Variants in TRMT44 observed in about 807,000 individuals in gnomAD.
TRMT44 encodes probable tRNA (uracil-O(2)-)-methyltransferase.
In TRMT44, 78 loss-of-function variants were observed where a neutral mutation model predicts 77.3. That is an observed-to-expected ratio of 1.01 (90% CI 0.84 to 1.22). The LOEUF (loss-of-function observed/expected upper bound fraction) is 1.22, where lower values mean the gene tolerates loss of function less well. Ranked by LOEUF, TRMT44 falls within the 50% of genes most tolerant of loss-of-function variation. The pLI is 0.00. For missense variants in TRMT44, 1,090 were observed against 964.4 expected, an observed-to-expected ratio of 1.13 and a Z score of -1.73; for synonymous variants, 391 against 383.3, an observed-to-expected ratio of 1.02 and a Z score of -0.23.
At chr4:8,515,150 A>G in the TRMT44 span, among the ~76,000 whole-genome samples, 3 of 152,082 alleles carry the variant, frequency 2.0e-5, no homozygotes, top group Admixed American at 2.0e-4. Context: ...ATTTTTTTGT[A>G]GAGACAGGAT....
In TRMT44 at chr4:8,482,413, G is replaced by A. The variant is rs530233758; in HGVS notation, n.3891+2880G>A. The A allele has an allele frequency of 3.9e-4, 60 of 152,484 alleles. No homozygotes were observed. In the South Asian group the frequency reaches 6.0e-3, roughly 15 times the overall value. The allele number at this position is 152,484 out of a possible 1,614,324, so 9.4% of individuals were successfully genotyped here. ...CATCACCCCTTTCATGAGCGTCCGCGTGAAGAGACCACCAAACAGGCTTTG... is the reference window on the plus strand; with the variant it reads ...CATCACCCCTTTCATGAGCGTCCGCATGAAGAGACCACCAAACAGGCTTTG... On this transcript the variant is annotated intron_variant and non_coding_transcript_variant, in intron 2 of 2. Transcript: ENST00000511366.
chr4:8,445,639 C>A (rs1025342311), intron 1 of TRMT44, among the ~76,000 whole-genome samples: 2 of 152,226 alleles, frequency 1.3e-5, no homozygotes, highest in African/African-American at 4.8e-5. Context: ...CTTCCCTGGC[C>A]ACCCTGTATT....
intron 6 of TRMT44, among the ~76,000 whole-genome samples, chr4:8,462,196 A>G (rs1168716096): frequency 6.7e-6 from 1 of 148,446 alleles, no homozygotes; most frequent in African/African-American, 2.5e-5. Context: ...ACATCACCTG[A>G]GGTCGGGAGT....
chr4:8,477,616 C>G (rs1012664155), downstream of TRMT44: 1 of 152,792 alleles, frequency 6.5e-6, no homozygotes, highest in Admixed American at 6.5e-5. Flanking sequence ...AAAGAACTCT[C>G]TTCCCAAAGA....
intron 2 of TRMT44, among the ~76,000 whole-genome samples, chr4:8,484,832 G>A (rs1221189949): frequency 6.6e-6 from 1 of 152,202 alleles, no homozygotes; most frequent in East Asian, 1.9e-4. Context: ...GGAAGGGGTT[G>A]TTTTGTAGAA....
At chr4:8,460,256 C>T (rs891960518) in intron 6 of TRMT44, among the ~76,000 whole-genome samples, 15 of 152,202 alleles carry the variant, frequency 9.9e-5, no homozygotes, top group African/African-American at 3.6e-4. Flanking sequence ...TGGCCTCTCC[C>T]TCTGGGTGTG....
chr4:8,464,101 A>T lies in TRMT44; in HGVS notation c.1310+10A>T. ...CTGTCATTGCAGCCAGGTGAGAAGT[A>T]GAGGAGTTATCAGGTGAATGGCTGG... On this transcript the variant is annotated intron_variant, in intron 7 of 10. Transcript: ENST00000389737. The T allele has an allele frequency of 1.9e-6, 3 of 1,610,352 alleles. No homozygotes were observed. The highest frequency in any genetic ancestry group is 2.5e-6 in the Non-Finnish European group (3 of 1,176,896).
At position 8,452,995 on chromosome 4, in the gene TRMT44, G is replaced by C. The variant is rs778810925; in HGVS notation, c.1131+6G>C. 1.1e-5 allele frequency: 17 copies of C among 1,478,942 alleles called. No individual in the cohort carries two copies. The South Asian group carries it at 2.1e-4, about 18-fold the overall frequency. 91.6% of individuals were successfully genotyped at this position (1,478,942 alleles called of 1,614,324 possible). On this transcript the variant is annotated splice_donor_region_variant and intron_variant, in intron 5 of 10. Transcript: ENST00000389737. The surrounding 1 kb of genome is among the most constrained non-coding windows in gnomAD (Gnocchi z 5.7). Reference sequence around the variant, plus strand: ...ACATCCTGAGCAGTGAGGGGGTAAGGCCCGGCTCCATCACCTTTTCTGGTA... The same window carrying C: ...ACATCCTGAGCAGTGAGGGGGTAAGCCCCGGCTCCATCACCTTTTCTGGTA...
intron 2 of TRMT44, among the ~76,000 whole-genome samples, chr4:8,448,042 A>G (rs547190459): frequency 5.3e-5 from 8 of 152,170 alleles, no homozygotes; most frequent in African/African-American, 1.9e-4. Context: ...TGGCATTTCT[A>G]GTCGGCATCG....
chr4:8,459,459 G>A (rs1171392493), intron 6 of TRMT44, among the ~76,000 whole-genome samples: 1 of 152,204 alleles, frequency 6.6e-6, no homozygotes, highest in Non-Finnish European at 1.5e-5. Flanking sequence ...GGTTAGGTCA[G>A]CCATGTGTAC....
chr4:8,477,536 A>G (rs912835936), downstream of TRMT44: 1 of 152,380 alleles, frequency 6.6e-6, no homozygotes, highest in Non-Finnish European at 1.5e-5. Context: ...CCTGCAGGGG[A>G]CACCTGGTGT....
the TRMT44 span, among the ~76,000 whole-genome samples, chr4:8,516,145 T>C: frequency 6.6e-6 from 1 of 152,164 alleles, no homozygotes; most frequent in East Asian, 1.9e-4. Context: ...TGCGGCGCCC[T>C]CTGTGCTCGT....
chr4:8,514,995 T>TC, the TRMT44 span, among the ~76,000 whole-genome samples: 12 of 152,256 alleles, frequency 7.9e-5, no homozygotes, highest in African/African-American at 2.6e-4. Flanking sequence ...AGACAGAGTG[T>TC]CACTCTGTCA....
Position 8,471,168 on chromosome 4 carries a change from C to G in TRMT44, c.2012C>G (p.Thr671Arg), listed in dbSNP as rs201840371. 6.2e-7 allele frequency: 1 copy of G among 1,606,918 alleles called. No individual in the cohort carries two copies. The highest frequency in any genetic ancestry group is 1.3e-5 in the African/African-American group (1 of 74,526). Residue 671 changes from threonine (T) to arginine (R), a missense_variant, in exon 10 of 11, where the codon ACG becomes AGG. Transcript: ENST00000389737. The part of the protein sequence containing the change: ...RLKRECGGLQ[T>R]LLRNSHQVFQ... ...AAGCGGGAGTGTGGGGGCCTGCAGA[C>G]GCTGCTCCGGAACAGCCACCAGGTG...
intron 1 of TRMT44, among the ~76,000 whole-genome samples, chr4:8,441,863 C>G (rs1353012117): frequency 6.6e-6 from 1 of 152,156 alleles, no homozygotes; most frequent in Non-Finnish European, 1.5e-5. Flanking sequence ...GCTGCCAAAG[C>G]CTGGGAGCTC....
chr4:8,456,966 C>T (rs1370897351), intron 6 of TRMT44, among the ~76,000 whole-genome samples: 2 of 151,566 alleles, frequency 1.3e-5, no homozygotes, highest in Admixed American at 6.6e-5. Context: ...GCTGGAGGAT[C>T]GCTTGAGGCC....
chr4:8,493,472 CAG>C (rs1281215613), exon 3 of TRMT44: 2 of 152,182 alleles, frequency 1.3e-5, no homozygotes, highest in Non-Finnish European at 2.9e-5. Context: ...CCTGAGTTTT[CAG>C]AGAGACTGAT....
At chr4:8,510,365 G>A in the TRMT44 span, 1 of 152,946 alleles carries the variant, frequency 6.5e-6, no homozygotes, top group Admixed American at 6.5e-5. Context: ...CCCTTCGATG[G>A]AGCTCTGCTT....
chr4:8,454,238 CACTCA>C (rs1170185433), intron 5 of TRMT44, among the ~76,000 whole-genome samples: 1 of 150,916 alleles, frequency 6.6e-6, no homozygotes, highest in Non-Finnish European at 1.5e-5. Flanking sequence ...CCACTGTGGT[CACTCA>C]ACTCCATGTC....
Sources: allele counts gnomAD v4.1 joint callset (sites outside exome capture counted in the v4.1 genomes callset), GRCh38; gene constraint gnomAD v4.1.1; non-coding constraint Gnocchi (gnomAD v3.1); transcripts MANE v1.5; gene names NCBI Gene and HGNC (gene_info 2026-07-23, HGNC 2026-07-21).